The following PRKX variants were observed in gnomAD, a reference collection of about 807,000 sequenced individuals.
PRKX encodes the protein protein kinase cAMP-dependent X-linked catalytic subunit.
In PRKX, 12 loss-of-function variants were observed where a neutral mutation model predicts 22.0. The ratio of observed to expected loss-of-function variants is 0.54; its 90% CI spans 0.35 to 0.88. PRKX has a LOEUF of 0.88. Among genes scored for constraint, PRKX ranks in the 40% least tolerant of loss-of-function variants. PRKX has a pLI of 0.01. For synonymous variants in PRKX, 134 were observed against 137.7 expected (o/e 0.97, Z 0.19); for missense variants, 217 against 308.0 (o/e 0.70, Z 2.21).
At chrX:3,624,653 T>G (rs1267413014) in intron 5 of PRKX, among the ~76,000 whole-genome samples, 1 of 111,115 alleles carries the variant, frequency 9.0e-6, no homozygotes, top group Non-Finnish European at 1.9e-5. Context: ...AGAGTTTCAC[T>G]CTTTCATCCA....
chrX:3,668,880 G>A (rs1048092102), intron 2 of PRKX, among the ~76,000 whole-genome samples: 2 of 112,571 alleles, frequency 1.8e-5, no homozygotes, highest in Admixed American at 9.4e-5. Context: ...CTGTGCATCC[G>A]CTACAGTGGG....
In PRKX at chrX:3,655,405, T is replaced by C; in HGVS notation, c.343A>G (p.Thr115Ala). 8.3e-7 allele frequency: 1 copy of C among 1,212,093 alleles called. No homozygotes were observed. Among genetic ancestry groups the C allele is most frequent in the Non-Finnish European group, 1.1e-6 (1 of 895,583 alleles). Residue 115 changes from threonine (T) to alanine (A), a missense_variant, in exon 3 of 9, where the codon ACG becomes GCG. Physicochemically the swap from Thr to Ala is moderately conservative, Grantham distance 58. Transcript: ENST00000262848. ...TAGAGGAAGCGCTCGTCATGCCACG[T>C]CCAGAACCTGCGGGGACAGACAGCA... ...SHPFLIRLFW[T>A]WHDERFLYML...
intron 2 of PRKX, chrX:3,670,108 A>C (rs1927817808): frequency 8.1e-6 from 1 of 123,911 alleles, no homozygotes; most frequent in African/African-American, 3.2e-5. Flanking sequence ...TCCTCGTTTT[A>C]TACCTTCATC....
At chrX:3,626,639 G>A (rs904000062) in intron 4 of PRKX, 125 bp from the exon 5 acceptor site, 21 of 551,439 alleles carry the variant, frequency 3.8e-5, no homozygotes, top group African/African-American at 2.3e-4. Flanking sequence ...GCTCTTCCCC[G>A]CACACTGAAG....
chrX:3,671,335 T>A (rs1028337268), intron 2 of PRKX, among the ~76,000 whole-genome samples: 5 of 111,599 alleles, frequency 4.5e-5, no homozygotes, highest in African/African-American at 1.6e-4. Flanking sequence ...TCTCAAGTGA[T>A]CCTTCCGCCT....
Position 3,647,534 on chromosome X carries a change from TTATG to T in PRKX, c.600-5567_600-5564del, listed in dbSNP as rs772412584. On this transcript the variant is annotated intron_variant, in intron 3 of 8. Coordinates refer to ENST00000262848, the MANE Select transcript of PRKX (RefSeq NM_005044.5). ...TAATTAACACATTACATTAATATCT[TTATG>T]TATTAAATTTATATATGAATATACT... 2.6e-3 allele frequency among the ~76,000 whole-genome samples: 277 copies of T among 105,736 alleles called. 1 individual carries two copies. Among genetic ancestry groups the T allele is most frequent in the African/African-American group, 8.5e-3 (253 of 29,709 alleles). The allele number at this position is 105,736 out of a possible 115,157, so 91.8% of individuals were successfully genotyped here. A position where few individuals can be genotyped will look rare whatever the true frequency, so the allele number is the denominator to read the frequency against.
rs1928843326 is a variant in PRKX, at chrX:3,713,633, G to C, written c.-380C>G. 1 of 118,109 alleles carries C rather than the reference G, an allele frequency of 8.5e-6. No homozygotes were observed. The highest frequency in any genetic ancestry group is 9.2e-5 in the Admixed American group (1 of 10,903). 9.7% of individuals were successfully genotyped at this position (118,109 alleles called of 1,213,427 possible). A position where few individuals can be genotyped will look rare whatever the true frequency, so the allele number is the denominator to read the frequency against. ...CGGTAGCCGCGTGCGCGCTGTTGGG[G>C]CGGGCGGAAGCCGCCTGGGCGTGAC... On this transcript the variant is annotated 5_prime_UTR_variant, in exon 1 of 9. Coordinates refer to ENST00000262848, the MANE Select transcript of PRKX (RefSeq NM_005044.5).
At chrX:3,674,870 A>G in intron 1 of PRKX, 104 bp from the exon 2 acceptor site, 2 of 944,214 alleles carry the variant, frequency 2.1e-6, no homozygotes, top group Non-Finnish European at 3.0e-6. Flanking sequence ...CGGCAAACAC[A>G]GACCCCAAGT....
chrX:3,689,388 A>G (rs965390106), intron 1 of PRKX, among the ~76,000 whole-genome samples: 1 of 112,789 alleles, frequency 8.9e-6, no homozygotes, highest in Non-Finnish European at 1.9e-5. Flanking sequence ...GTATTTTTAA[A>G]AAAGAGTGTG....
intron 7 of PRKX, 133 bp from the exon 8 acceptor site, chrX:3,612,458 CTTCAT>C (rs1926317452): frequency 1.1e-5 from 8 of 757,425 alleles, no homozygotes; most frequent in Non-Finnish European, 1.4e-5. Flanking sequence ...GCTGTCTTCC[CTTCAT>C]TTATGAAAGC....
intron 3 of PRKX, among the ~76,000 whole-genome samples, chrX:3,653,472 T>C: frequency 9.3e-6 from 1 of 107,897 alleles, no homozygotes; most frequent in African/African-American, 3.4e-5. Context: ...TTTCATGTGT[T>C]GATGGGCCGT....
chrX:3,707,719 C>T (rs1188907619), intron 1 of PRKX, among the ~76,000 whole-genome samples: 2 of 111,467 alleles, frequency 1.8e-5, no homozygotes, highest in Non-Finnish European at 3.8e-5. Context: ...GGACTTCTAT[C>T]CTTGGAAATG....
Position 3,617,916 on chromosome X carries a change from C to G in PRKX, c.874-2024G>C, listed in dbSNP as rs186805036. 6.7e-3 allele frequency among the ~76,000 whole-genome samples: 731 copies of G among 109,174 alleles called. 22 individuals carry two copies. In the Admixed American group the frequency reaches 0.067, roughly 10 times the overall value. The allele number at this position is 109,174 out of a possible 115,157, so 94.8% of individuals were successfully genotyped here. A position where few individuals can be genotyped will look rare whatever the true frequency, so the allele number is the denominator to read the frequency against. ...TGGTAATGATAATAAATGACTATGT[C>G]CCTGGTTTATCTATTTACTATACTC... On this transcript the variant is annotated intron_variant, in intron 6 of 8. Transcript: ENST00000262848.
chrX:3,668,251 T>C (rs955073454), intron 2 of PRKX: 4 of 111,913 alleles, frequency 3.6e-5, no homozygotes, highest in Admixed American at 9.5e-5. Context: ...CAATGTATCA[T>C]TTTTTGGACA....
intron 2 of PRKX, among the ~76,000 whole-genome samples, chrX:3,668,379 TAG>T (rs1927779273): frequency 9.0e-6 from 1 of 110,629 alleles, no homozygotes; most frequent in Admixed American, 9.7e-5. Flanking sequence ...AAAATTCAAA[TAG>T]AGAGCAAAAT....
rs190693388 is a variant in PRKX, at chrX:3,684,919, C to T, written c.167-10153G>A. On this transcript the variant is annotated intron_variant, in intron 1 of 8. Transcript: ENST00000262848. Reference sequence around the variant, plus strand: ...GCAACCTCCACCTCCTGGGTTCAAGCGATCCTCCGGCCTCAGCCTCCCAAG... The same window carrying T: ...GCAACCTCCACCTCCTGGGTTCAAGTGATCCTCCGGCCTCAGCCTCCCAAG... 4.5e-3 allele frequency among the ~76,000 whole-genome samples: 506 copies of T among 112,114 alleles called. 8 individuals are homozygous for T. The highest frequency in any genetic ancestry group is 0.015 in the African/African-American group (468 of 30,882).
At chrX:3,691,155 G>A (rs759691016) in intron 1 of PRKX, among the ~76,000 whole-genome samples, 4 of 111,792 alleles carry the variant, frequency 3.6e-5, no homozygotes, top group South Asian at 3.8e-4. Flanking sequence ...AGTTTGTGGC[G>A]GGAGTTACGT....
At chrX:3,692,247 C>T (rs1928344730) in intron 1 of PRKX, among the ~76,000 whole-genome samples, 1 of 110,118 alleles carries the variant, frequency 9.1e-6, no homozygotes, top group Non-Finnish European at 1.9e-5. Flanking sequence ...ATCCTGTGCA[C>T]TGCAAACCTG....
chrX:3,638,521 G>A (rs12399351), intron 4 of PRKX, among the ~76,000 whole-genome samples: 28,699 of 110,896 alleles, frequency 0.26, 3,264 homozygotes, highest in Admixed American at 0.44. Flanking sequence ...TTGGGTGGAC[G>A]CTGATCAATA....
Sources: allele counts gnomAD v4.1 joint callset (sites outside exome capture counted in the v4.1 genomes callset), GRCh38; gene constraint gnomAD v4.1.1; transcripts MANE v1.5; gene names NCBI Gene and HGNC (gene_info 2026-07-23, HGNC 2026-07-21).